Variants in CYP4X1 observed in about 807,000 individuals in gnomAD.
The protein encoded by CYP4X1 is cytochrome P450 family 4 subfamily X member 1, also known as cytochrome P450 4X1.
CYP4X1 carries 44 observed loss-of-function variants against 57.9 expected under a neutral mutation model. That is an observed-to-expected ratio of 0.76 (90% confidence interval 0.60 to 0.98). The LOEUF is 0.98. Ranked by LOEUF, CYP4X1 falls within the 50% of genes least tolerant of loss-of-function variation. CYP4X1 has a pLI of 0.00. For synonymous variants in CYP4X1, 227 were observed against 228.6 expected, an observed-to-expected ratio of 0.99 and a Z score of 0.06; for missense variants, 532 against 623.9, an observed-to-expected ratio of 0.85 and a Z score of 1.57.
intron 11 of CYP4X1, 61 bp downstream of exon 11, chr1:47,049,565 C>A: frequency 1.4e-6 from 2 of 1,390,644 alleles, no homozygotes; most frequent in Non-Finnish European, 2.0e-6. Context: ...GTAGTTTATT[C>A]CTTTCAGCTC....
chr1:47,049,013 C>T (rs1333119806), intron 10 of CYP4X1, among the ~76,000 whole-genome samples: 3 of 152,166 alleles, frequency 2.0e-5, no homozygotes, highest in Non-Finnish European at 4.4e-5. Context: ...GCCTGGGTAT[C>T]AGACAAATCA....
chr1:47,053,223 C>T (rs1396671665), downstream of CYP4X1, among the ~76,000 whole-genome samples: 3 of 152,056 alleles, frequency 2.0e-5, no homozygotes, highest in Admixed American at 6.5e-5. Flanking sequence ...CAGCTTCATC[C>T]ATGTCCCTAC....
the CYP4X1 span, among the ~76,000 whole-genome samples, chr1:46,997,692 G>T: frequency 6.6e-6 from 1 of 152,308 alleles, no homozygotes; most frequent in South Asian, 2.1e-4. Context: ...TCGAGAAAAT[G>T]ATTTCTTTTC....
chr1:47,014,366 G>A, the CYP4X1 span, among the ~76,000 whole-genome samples: 4 of 152,244 alleles, frequency 2.6e-5, no homozygotes, highest in South Asian at 8.3e-4. Context: ...GGAATTGGGG[G>A]TGAGGTTGGG....
At chr1:47,049,645 GT>G in intron 11 of CYP4X1, 141 bp downstream of exon 11, 1 of 784,508 alleles carries the variant, frequency 1.3e-6, no homozygotes, top group Non-Finnish European at 2.1e-6. Flanking sequence ...GGATCAGTTA[GT>G]TTTACAAAGG....
rs138412020 is a variant in CYP4X1 at position 47,030,260 on chromosome 1, T to C, written c.319+129T>C. 8.5e-4 allele frequency: 1,026 copies of C among 1,201,394 alleles called. 5 individuals are homozygous for C. The African/African-American group carries it at 0.014, about 17-fold the overall frequency. 74.4% of individuals were successfully genotyped at this position (1,201,394 alleles called of 1,614,324 possible). ...AGACACAGCAGCAAGTATGGGGAGGTGACAGGTTTCCTACCAATACTGAAG... is the reference window on the plus strand; with the variant it reads ...AGACACAGCAGCAAGTATGGGGAGGCGACAGGTTTCCTACCAATACTGAAG... On this transcript the variant is annotated intron_variant, in intron 2 of 11. Coordinates refer to ENST00000371901, the MANE Select transcript of CYP4X1 (RefSeq NM_178033.2).
At chr1:46,965,748 A>T in the CYP4X1 span, among the ~76,000 whole-genome samples, 9 of 152,214 alleles carry the variant, frequency 5.9e-5, no homozygotes, top group East Asian at 1.7e-3. Flanking sequence ...GCTGCATTGC[A>T]GCAGGGGTCC....
downstream of CYP4X1, among the ~76,000 whole-genome samples, chr1:47,053,025 A>G (rs1644369149): frequency 6.6e-6 from 1 of 152,010 alleles, no homozygotes; most frequent in South Asian, 2.1e-4. Flanking sequence ...CCATTAACTC[A>G]TCATTTAGCA....
the CYP4X1 span, among the ~76,000 whole-genome samples, chr1:46,983,557 G>C: frequency 7.9e-5 from 12 of 152,240 alleles, no homozygotes; most frequent in African/African-American, 1.9e-4. Context: ...GTGCTCAGGT[G>C]GGGGCAGGGC....
At chr1:46,969,788 T>G in the CYP4X1 span, among the ~76,000 whole-genome samples, 3 of 152,218 alleles carry the variant, frequency 2.0e-5, no homozygotes, top group Admixed American at 2.0e-4. Context: ...GTCAGTTTAT[T>G]GTCATTTTTA....
At chr1:47,051,561 C>T (rs777265423), downstream of CYP4X1, among the ~76,000 whole-genome samples, 2 of 152,042 alleles carry the variant, frequency 1.3e-5, no homozygotes, top group Non-Finnish European at 2.9e-5. Context: ...TGATTTCTCC[C>T]CTTGGATGAC....
In CYP4X1 at chr1:47,050,097, C is replaced by A; in HGVS notation, c.1453C>A (p.Leu485Ile). 6.2e-7 allele frequency: 1 copy of A among 1,614,112 alleles called. No homozygotes were observed. Among genetic ancestry groups the A allele is most frequent in the Non-Finnish European group, 8.5e-7 (1 of 1,180,016 alleles). ...FRVTPDPTRPLTFPNHFILKP... is the reference protein window; with the variant it reads ...FRVTPDPTRPITFPNHFILKP... ...AGTGACTCCAGACCCCACCAGGCCT[C>A]TTACTTTCCCCAACCATTTTATCCT... is the stretch of plus-strand genomic sequence containing the variant. The change falls in exon 12 of 12, where the codon CTT becomes ATT. Residue 485 changes from leucine (L) to isoleucine (I), a missense_variant. Transcript: ENST00000371901.
chr1:47,008,755 G>T, the CYP4X1 span, among the ~76,000 whole-genome samples: 1 of 151,794 alleles, frequency 6.6e-6, no homozygotes, highest in Non-Finnish European at 1.5e-5. Flanking sequence ...GAAACAAAAA[G>T]GCAGGGGTTG....
At chr1:47,043,977 G>A (rs925069502) in intron 8 of CYP4X1, among the ~76,000 whole-genome samples, 107 of 152,178 alleles carry the variant, frequency 7.0e-4, no homozygotes, top group African/African-American at 2.5e-3. Context: ...TTCACTCTAT[G>A]TGTGTTCTTA....
the CYP4X1 span, among the ~76,000 whole-genome samples, chr1:47,004,300 T>C: frequency 6.6e-6 from 1 of 152,260 alleles, no homozygotes; most frequent in East Asian, 1.9e-4. Context: ...TTTTGTCCAA[T>C]TCTTTGTTCA....
chr1:46,965,531 C>T, the CYP4X1 span, among the ~76,000 whole-genome samples: 1 of 152,154 alleles, frequency 6.6e-6, no homozygotes, highest in South Asian at 2.1e-4. Context: ...CGGTGGGATA[C>T]CTGGAGGTAT....
Position 47,030,038 on chromosome 1 carries a change from T to C in CYP4X1, c.226T>C (p.Tyr76His). The change falls in exon 2 of 12, where the codon TAC becomes CAC. Residue 76 changes from tyrosine to histidine, a missense_variant. Tyr to His is a moderately conservative substitution (Grantham distance 83). Coordinates refer to ENST00000371901, the MANE Select transcript of CYP4X1 (RefSeq NM_178033.2). ...MEKLEEIIEK[Y>H]PRAFPFWIGP... is the part of the protein sequence containing the mutation. The stretch of plus-strand genomic sequence containing the variant: ...GAAGCTTGAGGAAATTATTGAAAAA[T>C]ACCCTCGTGCCTTCCCTTTCTGGAT... 1 of 1,614,094 alleles carries C rather than the reference T, an allele frequency of 6.2e-7. No homozygotes were observed. The highest frequency in any genetic ancestry group is 8.5e-7 in the Non-Finnish European group (1 of 1,179,998).
chr1:47,049,636 GA>G, intron 11 of CYP4X1, 132 bp downstream of exon 11: 1 of 823,044 alleles, frequency 1.2e-6, no homozygotes, highest in Non-Finnish European at 2.0e-6. Flanking sequence ...AGCCCCAAAG[GA>G]TCAGTTAGTT....
At chr1:46,972,658 A>G in the CYP4X1 span, among the ~76,000 whole-genome samples, 1 of 151,998 alleles carries the variant, frequency 6.6e-6, no homozygotes, top group Non-Finnish European at 1.5e-5. Context: ...TACCTCCCTG[A>G]TTAGCTGTAT....
Sources: gnomAD v4.1 joint callset for allele counts (sites outside exome capture counted in the v4.1 genomes callset) on GRCh38, gnomAD v4.1.1 for gene constraint, MANE v1.5 for transcripts, NCBI Gene and HGNC (gene_info 2026-07-23, HGNC 2026-07-21) for gene names.